The following UVRAG variants were observed in gnomAD, a reference collection of about 807,000 sequenced individuals.
The protein encoded by UVRAG is UV radiation resistance associated, also known as UV radiation resistance-associated gene protein.
In UVRAG, 19 loss-of-function variants were observed where a neutral mutation model predicts 78.0. The ratio of observed to expected loss-of-function variants is 0.24; its 90% confidence interval spans 0.17 to 0.36. UVRAG has a LOEUF of 0.36. UVRAG is among the 10% of genes least tolerant of loss of function. UVRAG has a pLI of 1.00. For missense variants in UVRAG, 740 were observed against 853.8 expected, an observed-to-expected ratio of 0.87 and a Z score of 1.66; for synonymous variants, 323 against 324.6, an observed-to-expected ratio of 1.00 and a Z score of 0.05.
At chr11:75,893,372 G>A (rs1415285960) in intron 5 of UVRAG, among the ~76,000 whole-genome samples, 2 of 151,556 alleles carry the variant, frequency 1.3e-5, no homozygotes, top group South Asian at 2.1e-4. Flanking sequence ...CACTAAATGA[G>A]CACGAAAAGC....
At chr11:76,091,476 T>A (rs1264847720) in intron 13 of UVRAG, among the ~76,000 whole-genome samples, 1 of 152,146 alleles carries the variant, frequency 6.6e-6, no homozygotes, top group Non-Finnish European at 1.5e-5. Flanking sequence ...TATTTTTTTT[T>A]ATATCTCTTC....
chr11:75,938,085 A>ATATATATTTATATG (rs1491124237), intron 6 of UVRAG, among the ~76,000 whole-genome samples: 1 of 126,446 alleles, frequency 7.9e-6, no homozygotes, highest in Admixed American at 7.1e-5. Flanking sequence ...ATATGTATAT[A>ATATATATTTATATG]CACACACACA....
intron 14 of UVRAG, among the ~76,000 whole-genome samples, chr11:76,133,885 A>G (rs1253148816): frequency 6.6e-6 from 1 of 151,936 alleles, no homozygotes; most frequent in Non-Finnish European, 1.5e-5. Context: ...CATTGAACAG[A>G]TTAAATCTGT....
intron 12 of UVRAG, among the ~76,000 whole-genome samples, chr11:76,054,178 T>C (rs1396532140): frequency 6.6e-6 from 1 of 152,064 alleles, no homozygotes; most frequent in Non-Finnish European, 1.5e-5. Context: ...AAGATGGCAA[T>C]TCCATTCTGT....
At chr11:76,136,646 C>T (rs1367562414) in intron 14 of UVRAG, among the ~76,000 whole-genome samples, 6 of 151,794 alleles carry the variant, frequency 4.0e-5, no homozygotes, top group Admixed American at 3.9e-4. Context: ...TACAAGCGCT[C>T]ACCACCATAC....
intron 14 of UVRAG, among the ~76,000 whole-genome samples, chr11:76,124,515 GTT>G (rs1709462101): frequency 6.6e-6 from 1 of 152,190 alleles, no homozygotes; most frequent in Admixed American, 6.5e-5. Flanking sequence ...AACTTATTTT[GTT>G]TTAGGGCCAA....
At chr11:76,081,330 C>T (rs1225555959) in intron 13 of UVRAG, among the ~76,000 whole-genome samples, 2 of 152,010 alleles carry the variant, frequency 1.3e-5, no homozygotes, top group African/African-American at 2.4e-5. Context: ...CTCAGCCTCC[C>T]GAGTAGCTGA....
intron 13 of UVRAG, among the ~76,000 whole-genome samples, chr11:76,110,487 T>C (rs1952050732): frequency 6.6e-6 from 1 of 152,156 alleles, no homozygotes; most frequent in Non-Finnish European, 1.5e-5. Context: ...TCGTGATGCC[T>C]CTCATTTCTT....
chr11:76,028,196 C>G (rs894573283), intron 12 of UVRAG, among the ~76,000 whole-genome samples: 1 of 151,996 alleles, frequency 6.6e-6, no homozygotes, highest in South Asian at 2.1e-4. Context: ...TATTTTGGGA[C>G]AATACAAACC....
chr11:76,115,792 G>A (rs1448827404), intron 13 of UVRAG, 132 bp from the exon 14 acceptor site: 1 of 774,004 alleles, frequency 1.3e-6, no homozygotes, highest in Non-Finnish European at 2.1e-6. Flanking sequence ...AAAGTACTGT[G>A]AGGCTGATAA....
intron 5 of UVRAG, among the ~76,000 whole-genome samples, chr11:75,910,198 A>G (rs1947704879): frequency 6.6e-6 from 1 of 152,202 alleles, no homozygotes; most frequent in Non-Finnish European, 1.5e-5. Flanking sequence ...TTCTCCTAAT[A>G]TCCTTTAAAT....
intron 7 of UVRAG, among the ~76,000 whole-genome samples, chr11:75,975,130 TA>T (rs1949210426): frequency 6.6e-6 from 1 of 151,572 alleles, no homozygotes; most frequent in African/African-American, 2.4e-5. Flanking sequence ...ATTTATTAAA[TA>T]GGATTTCTTG....
chr11:76,083,091 CT>C lies in UVRAG; in HGVS notation c.1305+17304del, dbSNP rs1010600006. On this transcript the variant is annotated intron_variant, in intron 13 of 14. Transcript: ENST00000356136. ...TGTAACAAATCTGCATGTGTACCCCCTGAATCTAAAAGTTTAAACTAAAACA... is the reference window on the plus strand; with the variant it reads ...TGTAACAAATCTGCATGTGTACCCCCGAATCTAAAAGTTTAAACTAAAACA... 5.9e-5 allele frequency among the ~76,000 whole-genome samples: 9 copies of C among 152,134 alleles called. 1 individual carries two copies. Among genetic ancestry groups the C allele is most frequent in the Admixed American group, 5.9e-4 (9 of 15,268 alleles).
intron 13 of UVRAG, among the ~76,000 whole-genome samples, chr11:76,113,273 G>A (rs1257291083): frequency 2.0e-5 from 3 of 152,156 alleles, no homozygotes; most frequent in Non-Finnish European, 4.4e-5. Flanking sequence ...GGAGAGTAGA[G>A]TCAAGTTCTC....
chr11:75,911,363 C>A, intron 5 of UVRAG: 1 of 163,234 alleles, frequency 6.1e-6, no homozygotes, highest in Non-Finnish European at 1.4e-5. Context: ...GTCTTTGATC[C>A]TGGGTGGGCA....
rs565735087 is a variant in UVRAG at position 75,897,180 on chromosome 11, G to A, written c.507+8277G>A. On this transcript the variant is annotated intron_variant, in intron 5 of 14. Coordinates refer to ENST00000356136, the MANE Select transcript of UVRAG (RefSeq NM_003369.4). ...AATAACCATATAACTTGATCGTCTCGAGTACATAGGCTGAGATTGAAGATT... is the reference window on the plus strand; with the variant it reads ...AATAACCATATAACTTGATCGTCTCAAGTACATAGGCTGAGATTGAAGATT... 5.9e-5 allele frequency among the ~76,000 whole-genome samples: 9 copies of A among 152,290 alleles called. No individual in the cohort carries two copies. In the South Asian group the frequency reaches 6.2e-4, roughly 11 times the overall value.
chr11:76,029,667 G>C (rs1950397222), intron 12 of UVRAG, among the ~76,000 whole-genome samples: 1 of 152,190 alleles, frequency 6.6e-6, no homozygotes, highest in Admixed American at 6.5e-5. Flanking sequence ...GGTTCCTTGA[G>C]ATGGAACCTA....
intron 1 of UVRAG, among the ~76,000 whole-genome samples, chr11:75,841,505 T>A (rs907505644): frequency 6.6e-6 from 1 of 151,822 alleles, no homozygotes; most frequent in Non-Finnish European, 1.5e-5. Flanking sequence ...CTCTTTTGTT[T>A]GTTTTATATC....
chr11:75,816,739 T>C (rs964166454), intron 1 of UVRAG, among the ~76,000 whole-genome samples: 2 of 152,144 alleles, frequency 1.3e-5, no homozygotes, highest in Non-Finnish European at 2.9e-5. Flanking sequence ...AGTTCTTTCA[T>C]ACACCCCTCC....
Sources: gnomAD v4.1 joint callset for allele counts (sites outside exome capture counted in the v4.1 genomes callset) on GRCh38, gnomAD v4.1.1 for gene constraint, MANE v1.5 for transcripts, NCBI Gene and HGNC (gene_info 2026-07-23, HGNC 2026-07-21) for gene names.